Variants in MYO10 observed in about 807,000 individuals in gnomAD.
MYO10 encodes myosin X.
A neutral mutation model predicts 257.3 loss-of-function variants in MYO10; 133 were observed. The ratio of observed to expected loss-of-function variants is 0.52; its 90% CI spans 0.45 to 0.60. MYO10 has a LOEUF of 0.60. MYO10 is among the 20% of genes least tolerant of loss of function. The pLI, the probability that MYO10 is intolerant of heterozygous loss-of-function variation, is 0.00. For synonymous variants in MYO10, 1,104 were observed against 1,028.6 expected, an observed-to-expected ratio of 1.07 and a Z score of -1.40; for missense variants, 2,399 against 2,635.7, an observed-to-expected ratio of 0.91 and a Z score of 1.97.
At position 16,785,065 on chromosome 5, in the gene MYO10, G is replaced by A. The variant is rs190546931; in HGVS notation, c.468-1596C>T. On this transcript the variant is annotated intron_variant, in intron 4 of 40. Coordinates refer to ENST00000513610, the MANE Select transcript of MYO10 (RefSeq NM_012334.3). ...TTGCGGCAGACAACAAAGATCTGAC[G>A]ATCTAAACCTGTCTTGAAATCATAA... 7.9e-5 allele frequency among the ~76,000 whole-genome samples: 12 copies of A among 152,312 alleles called. No individual in the cohort carries two copies. In the South Asian group the frequency reaches 1.0e-3, roughly 13 times the overall value.
intron 3 of MYO10, among the ~76,000 whole-genome samples, chr5:16,812,193 GC>G (rs1305130918): frequency 6.6e-6 from 1 of 152,176 alleles, no homozygotes; most frequent in Non-Finnish European, 1.5e-5. Context: ...TCTTGAAGTG[GC>G]CAGAGGAAGG....
At chr5:16,703,894 A>C (rs1174939579) in intron 22 of MYO10, among the ~76,000 whole-genome samples, 2 of 147,388 alleles carry the variant, frequency 1.4e-5, no homozygotes, top group East Asian at 3.9e-4. Flanking sequence ...AAAAAAAAAA[A>C]AAAAAAAAAA....
intron 3 of MYO10, among the ~76,000 whole-genome samples, chr5:16,808,806 G>A (rs1464334782): frequency 6.6e-6 from 1 of 152,098 alleles, no homozygotes; most frequent in Admixed American, 6.6e-5. Context: ...CAAGTAGCTG[G>A]GACTACAGGC....
intron 3 of MYO10, among the ~76,000 whole-genome samples, chr5:16,805,676 A>G (rs1463915661): frequency 6.6e-6 from 1 of 152,228 alleles, no homozygotes; most frequent in Non-Finnish European, 1.5e-5. Flanking sequence ...GTTGGATTTC[A>G]AATTCCACAA....
At chr5:16,702,851 C>A in intron 23 of MYO10, 74 bp downstream of exon 23, 1 of 1,343,512 alleles carries the variant, frequency 7.4e-7, no homozygotes, top group South Asian at 1.4e-5. Context: ...GGATTTCTGG[C>A]TGCACAGACA....
intron 2 of MYO10, among the ~76,000 whole-genome samples, chr5:16,837,261 G>A (rs1303249749): frequency 2.0e-5 from 3 of 152,066 alleles, no homozygotes; most frequent in South Asian, 4.1e-4. Flanking sequence ...GGTGAGCCAA[G>A]ATCACACCAT....
At chr5:16,728,421 T>A (rs954983972) in intron 19 of MYO10, among the ~76,000 whole-genome samples, 3 of 151,430 alleles carry the variant, frequency 2.0e-5, no homozygotes, top group African/African-American at 7.3e-5. Flanking sequence ...CTCCCACCCC[T>A]CCAGCTCTTT....
chr5:16,736,849 T>C (rs1739824450), intron 19 of MYO10, among the ~76,000 whole-genome samples: 1 of 152,210 alleles, frequency 6.6e-6, no homozygotes, highest in Admixed American at 6.5e-5. Flanking sequence ...CGGGATTTGT[T>C]TTGGCTCAGC....
chr5:16,903,067 A>G (rs1745428505), intron 1 of MYO10, among the ~76,000 whole-genome samples: 1 of 152,208 alleles, frequency 6.6e-6, no homozygotes. Flanking sequence ...AACGCTTCAC[A>G]CGCACTAACT....
chr5:16,716,943 C>T (rs1487274932), intron 19 of MYO10, among the ~76,000 whole-genome samples: 8 of 152,152 alleles, frequency 5.3e-5, no homozygotes. Context: ...AAGCAATTCT[C>T]CTGCCTGAGC....
intron 1 of MYO10, among the ~76,000 whole-genome samples, chr5:16,905,636 G>A (rs1745499781): frequency 6.6e-6 from 1 of 152,154 alleles, no homozygotes; most frequent in Non-Finnish European, 1.5e-5. Context: ...GTCTGCCAAA[G>A]AAAAAGATGG....
chr5:16,834,280 G>C (rs1743247381), intron 2 of MYO10, among the ~76,000 whole-genome samples: 1 of 152,118 alleles, frequency 6.6e-6, no homozygotes, highest in South Asian at 2.1e-4. Context: ...CCCCTGCCTA[G>C]TAATCATCAA....
intron 28 of MYO10, among the ~76,000 whole-genome samples, chr5:16,686,797 G>A (rs1579825125): frequency 6.6e-6 from 1 of 152,082 alleles, no homozygotes; most frequent in Admixed American, 6.5e-5. Flanking sequence ...AAAGTGCTGG[G>A]ATTACAGGCA....
At chr5:16,713,042 A>G (rs1738692177) in intron 19 of MYO10, among the ~76,000 whole-genome samples, 2 of 152,224 alleles carry the variant, frequency 1.3e-5, no homozygotes, top group African/African-American at 2.4e-5. Context: ...AGCACTGTAT[A>G]GAGCAAATAT....
At chr5:16,902,245 AT>A in intron 1 of MYO10, 1 of 725,748 alleles carries the variant, frequency 1.4e-6, no homozygotes, top group Admixed American at 2.0e-5. Flanking sequence ...TTTCCATTTT[AT>A]TTTTCTCCAG....
rs1306438372 is a variant in MYO10 at position 16,783,563 on chromosome 5, A to G, written c.468-94T>C. The G allele has an allele frequency of 1.1e-5, 15 of 1,330,602 alleles. No individual in the cohort carries two copies. The Admixed American group carries it at 3.1e-4, about 28-fold the overall frequency. The allele number at this position is 1,330,602 out of a possible 1,614,324, so 82.4% of individuals were successfully genotyped here. A position where few individuals can be genotyped will look rare whatever the true frequency, so the allele number is the denominator to read the frequency against. ...TGGCACTATAATTACTCAACAGAACAATGGTAGAAAGGTGGGAAGAGGGAG... is the reference window on the plus strand; with the variant it reads ...TGGCACTATAATTACTCAACAGAACGATGGTAGAAAGGTGGGAAGAGGGAG... On this transcript the variant is annotated intron_variant, in intron 4 of 40. Transcript: ENST00000513610.
Position 16,734,281 on chromosome 5 carries a change from C to T in MYO10, c.1929+20547G>A, listed in dbSNP as rs146196652. Among the ~76,000 whole-genome samples the T allele has an allele frequency of 3.0e-3, 460 of 152,256 alleles. 1 individual carries two copies. The highest frequency in any genetic ancestry group is 0.011 in the African/African-American group (446 of 41,548). Reference sequence around the variant, plus strand: ...TTTACTTAACATCTACCACATCTTTCGACTTAAAAGAACAGCTTTCAGGGT... The same window carrying T: ...TTTACTTAACATCTACCACATCTTTTGACTTAAAAGAACAGCTTTCAGGGT... On this transcript the variant is annotated intron_variant, in intron 19 of 40. Transcript: ENST00000513610.
chr5:16,857,416 C>T (rs1224610316), intron 2 of MYO10, among the ~76,000 whole-genome samples: 2 of 152,184 alleles, frequency 1.3e-5, no homozygotes, highest in African/African-American at 4.8e-5. Context: ...GTATGAGATG[C>T]TTTTATTTAG....
chr5:16,757,236 G>C (rs971999189), intron 18 of MYO10, among the ~76,000 whole-genome samples: 3 of 150,354 alleles, frequency 2.0e-5, no homozygotes, highest in Non-Finnish European at 4.4e-5. Context: ...GCTGCAGTGA[G>C]GCGTGATTAC....
Sources: allele counts gnomAD v4.1 joint callset (sites outside exome capture counted in the v4.1 genomes callset), GRCh38; gene constraint gnomAD v4.1.1; transcripts MANE v1.5; gene names NCBI Gene and HGNC (gene_info 2026-07-23, HGNC 2026-07-21).